RAB3IL1: variants seen among roughly 807,000 people sequenced by gnomAD.
RAB3IL1 encodes guanine nucleotide exchange factor for Rab-3A.
In RAB3IL1, 37 loss-of-function variants were observed where a neutral mutation model predicts 49.2. The ratio of observed to expected loss-of-function variants is 0.75; its 90% CI spans 0.58 to 0.99. The LOEUF is 0.99. Ranked by LOEUF, RAB3IL1 falls within the 50% of genes least tolerant of loss-of-function variation. RAB3IL1 has a pLI of 0.00. For missense variants in RAB3IL1, 484 were observed against 513.0 expected (o/e 0.94, Z 0.55); for synonymous variants, 193 against 213.9 (o/e 0.90, Z 0.85).
intron 2 of RAB3IL1, 94 bp downstream of exon 2, chr11:61,907,960 T>C: frequency 6.6e-7 from 1 of 1,506,458 alleles, no homozygotes; most frequent in Non-Finnish European, 8.9e-7. Flanking sequence ...TCCCTCTCCC[T>C]TGGGCACATC....
the RAB3IL1 span, among the ~76,000 whole-genome samples, chr11:61,934,485 TATA>T: frequency 2.5e-5 from 3 of 122,010 alleles, no homozygotes; most frequent in African/African-American, 9.7e-5. Flanking sequence ...TATATATATA[TATA>T]TATATATTCT....
rs756097303 is a variant in RAB3IL1, at chr11:61,899,361, A to T, written c.1019T>A (p.Phe340Tyr). The T allele has an allele frequency of 6.2e-7, 1 of 1,609,522 alleles. No homozygotes were observed. The highest frequency in any genetic ancestry group is 8.5e-7 in the Non-Finnish European group (1 of 1,179,792). ...SRARITAVCN[F>Y]FTYIRYIQQG... is the part of the protein sequence containing the mutation. ...CTGGATGTAGCGGATGTAGGTGAAG[A>T]AGTTGCACACTGCGGTGATCTGTGG... The change falls in exon 9 of 10, where the codon TTC becomes TAC. Residue 340 changes from phenylalanine (F) to tyrosine (Y), a missense_variant. Transcript: ENST00000394836.
At chr11:61,902,213 C>T (rs954080364) in intron 8 of RAB3IL1, among the ~76,000 whole-genome samples, 1 of 152,234 alleles carries the variant, frequency 6.6e-6, no homozygotes, top group African/African-American at 2.4e-5. Context: ...ACTTGGGAAG[C>T]TGAGGCAGGA....
chr11:61,932,769 A>ATTT, the RAB3IL1 span, among the ~76,000 whole-genome samples: 233 of 134,048 alleles, frequency 1.7e-3, 7 homozygotes, highest in South Asian at 0.013. Flanking sequence ...ACTATAGTTC[A>ATTT]TTTTTTTTTT....
chr11:61,899,136 G>A (rs1462819803), intron 9 of RAB3IL1, among the ~76,000 whole-genome samples, 178 bp downstream of exon 9: 1 of 152,192 alleles, frequency 6.6e-6, no homozygotes, highest in Non-Finnish European at 1.5e-5. Flanking sequence ...ACGGACTCAG[G>A]TACAGAGCTC....
rs771845137 is a variant in RAB3IL1, at chr11:61,907,377, C to T, written c.438+16G>A. 28 of 1,611,700 alleles carry T rather than the reference C, an allele frequency of 1.7e-5. No individual in the cohort carries two copies. Among genetic ancestry groups the T allele is most frequent in the East Asian group, 1.1e-4 (5 of 44,878 alleles). The stretch of plus-strand genomic sequence containing the variant: ...GGGTGCCTGGGCTGGCCTGGGCAGG[C>T]GGGGATGGGCCTCACCTTGCCCCGA... On this transcript the variant is annotated intron_variant, in intron 4 of 9. Coordinates refer to ENST00000394836, the MANE Select transcript of RAB3IL1 (RefSeq NM_013401.4).
chr11:61,933,975 G>C, the RAB3IL1 span, among the ~76,000 whole-genome samples: 10 of 151,814 alleles, frequency 6.6e-5, no homozygotes, highest in Non-Finnish European at 1.5e-4. Flanking sequence ...AAGAAAGATG[G>C]CTATTAAGGC....
chr11:61,938,265 G>A, the RAB3IL1 span, among the ~76,000 whole-genome samples: 1 of 152,196 alleles, frequency 6.6e-6, no homozygotes, highest in South Asian at 2.1e-4. Flanking sequence ...ACCTGGTATG[G>A]TGGCACACAC....
chr11:61,925,999 G>A, the RAB3IL1 span, among the ~76,000 whole-genome samples: 1 of 147,000 alleles, frequency 6.8e-6, no homozygotes, highest in African/African-American at 2.5e-5. Context: ...ATCTAGCAAG[G>A]GAAAGACTTT....
the RAB3IL1 span, among the ~76,000 whole-genome samples, chr11:61,935,959 A>G: frequency 6.3e-5 from 7 of 110,526 alleles, no homozygotes; most frequent in Non-Finnish European, 9.0e-5. Context: ...CAAGAGGAAC[A>G]TTTAAAAAAA....
chr11:61,906,569 G>A lies in RAB3IL1; in HGVS notation c.554C>T (p.Pro185Leu), dbSNP rs1178296928. 6.3e-7 allele frequency: 1 copy of A among 1,599,170 alleles called. No homozygotes were observed. The highest frequency in any genetic ancestry group is 1.3e-5 in the African/African-American group (1 of 74,790). ...CTTGTGGCGAGAGTGGCCCTTTCGGGGCCCGGCCTTGGTGGGGCTCAGCAG... is the reference window on the plus strand; with the variant it reads ...CTTGTGGCGAGAGTGGCCCTTTCGGAGCCCGGCCTTGGTGGGGCTCAGCAG... ...PQLLSPTKAGPRKGHSRHKST... is the reference protein window; with the variant it reads ...PQLLSPTKAGLRKGHSRHKST... Residue 185 changes from proline to leucine, a missense_variant, in exon 5 of 10, where the codon CCC becomes CTC. Pro to Leu is a moderately conservative substitution (Grantham distance 98). Coordinates refer to ENST00000394836, the MANE Select transcript of RAB3IL1 (RefSeq NM_013401.4). The surrounding 1 kb of genome is among the most constrained non-coding windows in gnomAD (Gnocchi z 4.6).
chr11:61,925,761 A>C, the RAB3IL1 span, among the ~76,000 whole-genome samples: 4 of 152,150 alleles, frequency 2.6e-5, no homozygotes, highest in African/African-American at 9.7e-5. Flanking sequence ...CTTTGCCAGG[A>C]GCTCAGGCTC....
chr11:61,908,258 C>A lies in RAB3IL1; in HGVS notation c.60G>T (p.Pro20=). The A allele has an allele frequency of 1.3e-6, 2 of 1,521,204 alleles. No individual in the cohort carries two copies. Among genetic ancestry groups the A allele is most frequent in the Non-Finnish European group, 1.8e-6 (2 of 1,134,362 alleles). The allele number at this position is 1,521,204 out of a possible 1,614,324, so 94.2% of individuals were successfully genotyped here. A position where few individuals can be genotyped will look rare whatever the true frequency, so the allele number is the denominator to read the frequency against. ...AGGGGTCCGTGCTCTTCCAGGGGAC[C>A]GGGACAGCTGCAAGGGGCGGCGGGA... is the stretch of plus-strand genomic sequence containing the variant. ...QGLPPPLAAV[P]VPWKSTDPCQ... is the part of the protein sequence containing the mutation. Residue 20 remains proline, a synonymous_variant, in exon 2 of 10, where the codon CCG becomes CCT. Coordinates refer to ENST00000394836, the MANE Select transcript of RAB3IL1 (RefSeq NM_013401.4).
chr11:61,903,936 C>T (rs1007735961), intron 7 of RAB3IL1, among the ~76,000 whole-genome samples: 1 of 152,072 alleles, frequency 6.6e-6, no homozygotes, highest in Non-Finnish European at 1.5e-5. Flanking sequence ...CCCTGTCCCC[C>T]CACTGCTTAG....
At chr11:61,917,053 T>A (rs1179121008) in intron 1 of RAB3IL1, among the ~76,000 whole-genome samples, 2 of 151,184 alleles carry the variant, frequency 1.3e-5, no homozygotes, top group Admixed American at 6.6e-5. Context: ...TGCCCCAGAG[T>A]CGTGCACACT....
the RAB3IL1 span, among the ~76,000 whole-genome samples, chr11:61,927,647 A>C: frequency 3.3e-5 from 5 of 152,120 alleles, no homozygotes; most frequent in Non-Finnish European, 5.9e-5. Context: ...TGTAATTTCC[A>C]GTGTTGAAGG....
At chr11:61,928,547 A>ATACATGGATCTAGGACCCTCCAAC in the RAB3IL1 span, among the ~76,000 whole-genome samples, 1 of 141,668 alleles carries the variant, frequency 7.1e-6, no homozygotes, top group Non-Finnish European at 1.6e-5. Flanking sequence ...GACCCTCCAA[A>ATACATGGATCTAGGACCCTCCAAC]TACATGGAGC....
chr11:61,913,704 C>T (rs771353661), intron 1 of RAB3IL1, among the ~76,000 whole-genome samples: 1 of 152,204 alleles, frequency 6.6e-6, no homozygotes, highest in Non-Finnish European at 1.5e-5. Flanking sequence ...CACCGAAGAC[C>T]TCCAATAGCT....
the RAB3IL1 span, among the ~76,000 whole-genome samples, chr11:61,939,118 A>T: frequency 3.9e-5 from 6 of 152,112 alleles, no homozygotes; most frequent in Non-Finnish European, 7.4e-5. Flanking sequence ...ATTCCCCAGG[A>T]TAGACCATAT....
Sources: gnomAD v4.1 joint callset for allele counts (sites outside exome capture counted in the v4.1 genomes callset) on GRCh38, gnomAD v4.1.1 for gene constraint, Gnocchi (gnomAD v3.1) non-coding constraint, MANE v1.5 for transcripts, NCBI Gene and HGNC (gene_info 2026-07-23, HGNC 2026-07-21) for gene names.